COMMD1: variants seen among roughly 807,000 people sequenced by gnomAD.
COMMD1 encodes the protein copper metabolism domain containing 1.
A neutral mutation model predicts 17.2 loss-of-function variants in COMMD1; 10 were observed. That is an observed-to-expected ratio of 0.58 (90% CI 0.36 to 0.99). COMMD1 has a LOEUF of 0.99. Among genes scored for constraint, COMMD1 ranks in the 50% least tolerant of loss-of-function variants. The probability of loss-of-function intolerance (pLI) is 0.01; values close to 1 mark genes in which losing one functional copy is unlikely to be tolerated. For missense variants in COMMD1, 270 were observed against 231.8 expected (o/e 1.17, Z -1.07); for synonymous variants, 97 against 91.6 (o/e 1.06, Z -0.34).
intron 2 of COMMD1, among the ~76,000 whole-genome samples, chr2:62,037,109 A>C (rs1670060585): frequency 6.6e-6 from 1 of 152,208 alleles, no homozygotes; most frequent in South Asian, 2.1e-4. Context: ...GGAAACTTGG[A>C]AATAATCCTT....
intron 2 of COMMD1, among the ~76,000 whole-genome samples, chr2:62,122,743 A>C (rs181052686): frequency 4.7e-4 from 71 of 149,712 alleles, no homozygotes; most frequent in Middle Eastern, 3.4e-3. Context: ...ATCTAGCTAA[A>C]TTATGGCTCT....
At chr2:61,996,682 C>G (rs1668764155) in intron 1 of COMMD1, among the ~76,000 whole-genome samples, 1 of 152,112 alleles carries the variant, frequency 6.6e-6, no homozygotes, top group Non-Finnish European at 1.5e-5. Context: ...GACTAGATAC[C>G]AAGAAACCAC....
At chr2:62,016,113 G>A (rs139870941) in intron 2 of COMMD1, among the ~76,000 whole-genome samples, 180 of 151,284 alleles carry the variant, frequency 1.2e-3, no homozygotes, top group African/African-American at 3.8e-3. Context: ...GATTACATGC[G>A]TGAGCCACGA....
chr2:61,963,190 T>TATACACACACACAC (rs1280301014), intron 1 of COMMD1, among the ~76,000 whole-genome samples: 1 of 136,378 alleles, frequency 7.3e-6, no homozygotes, highest in African/African-American at 2.9e-5. Flanking sequence ...ATATATTATA[T>TATACACACACACAC]ACACACACAC....
chr2:61,908,774 G>A (rs1021682964), intron 1 of COMMD1, among the ~76,000 whole-genome samples: 1 of 150,840 alleles, frequency 6.6e-6, no homozygotes, highest in South Asian at 2.1e-4. Context: ...TCACCATCTT[G>A]GCCAGGCTGG....
intron 2 of COMMD1, among the ~76,000 whole-genome samples, chr2:62,025,904 G>A (rs1184558513): frequency 1.3e-5 from 2 of 152,080 alleles, no homozygotes; most frequent in Non-Finnish European, 2.9e-5. Flanking sequence ...ATGTTGGCCA[G>A]CCTGGTCTCA....
intron 1 of COMMD1, among the ~76,000 whole-genome samples, chr2:61,913,242 C>T (rs1669955425): frequency 6.6e-6 from 1 of 151,526 alleles, no homozygotes; most frequent in African/African-American, 2.4e-5. Context: ...TGGTGTGCAC[C>T]TGTAGTCCCA....
At chr2:62,002,289 G>C (rs1668967729) in intron 2 of COMMD1, among the ~76,000 whole-genome samples, 1 of 150,870 alleles carries the variant, frequency 6.6e-6, no homozygotes, top group Non-Finnish European at 1.5e-5. Flanking sequence ...TCAGGACTTT[G>C]AGACCAGCCT....
At chr2:61,894,240 A>G (rs1669503415) in intron 1 of COMMD1, among the ~76,000 whole-genome samples, 1 of 152,170 alleles carries the variant, frequency 6.6e-6, no homozygotes. Context: ...AATAGCTGGG[A>G]CTACAGTATC....
intron 2 of COMMD1, among the ~76,000 whole-genome samples, chr2:62,059,437 T>C (rs1248316047): frequency 6.6e-6 from 1 of 152,206 alleles, no homozygotes; most frequent in East Asian, 1.9e-4. Flanking sequence ...TTTACAGTCA[T>C]GAGCCACTAT....
intron 2 of COMMD1, among the ~76,000 whole-genome samples, chr2:62,093,571 AT>A (rs1201432008): frequency 6.6e-6 from 1 of 152,150 alleles, no homozygotes; most frequent in Non-Finnish European, 1.5e-5. Flanking sequence ...TTGTAAAAAA[AT>A]GTTAGTGAGG....
At chr2:62,081,741 T>C (rs780810461) in intron 2 of COMMD1, among the ~76,000 whole-genome samples, 1 of 152,190 alleles carries the variant, frequency 6.6e-6, no homozygotes, top group Non-Finnish European at 1.5e-5. Context: ...ATAAAAGCTT[T>C]TTGAATTACA....
At chr2:62,037,186 C>G (rs1389996905) in intron 2 of COMMD1, among the ~76,000 whole-genome samples, 1 of 152,204 alleles carries the variant, frequency 6.6e-6, no homozygotes, top group Non-Finnish European at 1.5e-5. Context: ...AGAGGCTTGT[C>G]TGGCTTTGCC....
intron 1 of COMMD1, among the ~76,000 whole-genome samples, chr2:61,948,865 G>T (rs1670981266): frequency 1.3e-5 from 2 of 152,222 alleles, no homozygotes; most frequent in African/African-American, 4.8e-5. Context: ...CCCTAGGGAA[G>T]GAGCAGAATG....
At chr2:61,917,299 G>T (rs1670075099) in intron 1 of COMMD1, among the ~76,000 whole-genome samples, 1 of 151,554 alleles carries the variant, frequency 6.6e-6, no homozygotes, top group Non-Finnish European at 1.5e-5. Context: ...GGAGGTTGCA[G>T]TGAGCCGAGA....
chr2:61,964,558 G>A (rs1022408041), intron 1 of COMMD1, among the ~76,000 whole-genome samples: 2 of 152,156 alleles, frequency 1.3e-5, no homozygotes, highest in African/African-American at 4.8e-5. Context: ...ATTGAGGCTG[G>A]GCGTGGTGGC....
At chr2:61,930,839 C>A (rs1670447843) in intron 1 of COMMD1, among the ~76,000 whole-genome samples, 1 of 151,874 alleles carries the variant, frequency 6.6e-6, no homozygotes, top group Non-Finnish European at 1.5e-5. Flanking sequence ...GTGGAAGAAA[C>A]AAGTTTCAGA....
intron 1 of COMMD1, among the ~76,000 whole-genome samples, chr2:61,983,426 G>A (rs902892524): frequency 5.3e-5 from 8 of 152,078 alleles, no homozygotes; most frequent in Admixed American, 3.9e-4. Context: ...CCTTGACCTC[G>A]TGATCCGACC....
rs59062735 is a variant in COMMD1, at chr2:61,980,632, G to A, written c.181-20069G>A. Among the ~76,000 whole-genome samples, 665 of 143,944 alleles carry A rather than the reference G, an allele frequency of 4.6e-3. 7 individuals carry two copies. The highest frequency in any genetic ancestry group is 0.017 in the African/African-American group (635 of 38,206). 94.4% of individuals were successfully genotyped at this position (143,944 alleles called of 152,430 possible). A position where few individuals can be genotyped will look rare whatever the true frequency, so the allele number is the denominator to read the frequency against. ...TGTTGTAAATTTGTTTGAGTTCATTGTAGATTCTGGATATTAGCCCTTTGT... is the reference window on the plus strand; with the variant it reads ...TGTTGTAAATTTGTTTGAGTTCATTATAGATTCTGGATATTAGCCCTTTGT... On this transcript the variant is annotated intron_variant, in intron 1 of 2. Transcript: ENST00000311832.
Sources: allele counts gnomAD v4.1 joint callset (sites outside exome capture counted in the v4.1 genomes callset), GRCh38; gene constraint gnomAD v4.1.1; transcripts MANE v1.5; gene names NCBI Gene and HGNC (gene_info 2026-07-23, HGNC 2026-07-21).